The following DSCAM variants were observed in gnomAD, a reference collection of about 807,000 sequenced individuals.
The protein encoded by DSCAM is DS cell adhesion molecule, also known as cell adhesion molecule DSCAM.
Under a neutral mutation model 217.7 loss-of-function variants are expected in DSCAM, and 47 were observed. That is an observed-to-expected ratio of 0.22 (90% confidence interval 0.17 to 0.28). The LOEUF is 0.28. DSCAM is among the 10% of genes least tolerant of loss of function. The pLI, the probability that DSCAM is intolerant of heterozygous loss-of-function variation, is 1.00. For synonymous variants in DSCAM, 1,056 were observed against 1,015.3 expected (o/e 1.04, Z -0.76); for missense variants, 2,080 against 2,618.3 (o/e 0.79, Z 4.49).
chr21:40,394,991 G>A (rs1242316426), intron 3 of DSCAM, among the ~76,000 whole-genome samples: 1 of 152,134 alleles, frequency 6.6e-6, no homozygotes, highest in Non-Finnish European at 1.5e-5. Flanking sequence ...GGTAGAATTA[G>A]GTAATTTTTA....
intron 9 of DSCAM, among the ~76,000 whole-genome samples, chr21:40,299,206 T>C (rs2073987728): frequency 6.6e-6 from 1 of 152,216 alleles, no homozygotes; most frequent in Non-Finnish European, 1.5e-5. Context: ...TTGGCTGATA[T>C]ACCATGCAAC....
intron 11 of DSCAM, among the ~76,000 whole-genome samples, chr21:40,240,934 T>C (rs1601474118): frequency 6.6e-6 from 1 of 152,294 alleles, no homozygotes. Context: ...TGGCTAACCG[T>C]ACGCAGAAGA....
intron 32 of DSCAM, among the ~76,000 whole-genome samples, chr21:40,013,682 T>C (rs1568887185): frequency 6.6e-6 from 1 of 152,102 alleles, no homozygotes; most frequent in Non-Finnish European, 1.5e-5. Context: ...ACACCATCGT[T>C]GAAAGAAAAA....
intron 9 of DSCAM, among the ~76,000 whole-genome samples, chr21:40,311,769 A>G (rs2074140047): frequency 6.6e-6 from 1 of 152,112 alleles, no homozygotes; most frequent in Admixed American, 6.5e-5. Context: ...AAGCTCACGG[A>G]CGTTAGTCCT....
At chr21:40,727,309 G>A (rs537404499) in intron 1 of DSCAM, among the ~76,000 whole-genome samples, 14 of 152,108 alleles carry the variant, frequency 9.2e-5, no homozygotes, top group Admixed American at 2.6e-4. Flanking sequence ...CCTGTTCTGG[G>A]ATCCAGTATT....
At chr21:40,073,391 A>G (rs1318250078) in intron 27 of DSCAM, among the ~76,000 whole-genome samples, 4 of 152,234 alleles carry the variant, frequency 2.6e-5, no homozygotes, top group Admixed American at 1.3e-4. Flanking sequence ...GCAAGTAGTT[A>G]GACATAGTTG....
intron 32 of DSCAM, among the ~76,000 whole-genome samples, chr21:40,036,379 T>C (rs1448203989): frequency 6.8e-6 from 1 of 148,036 alleles, no homozygotes; most frequent in Non-Finnish European, 1.5e-5. Flanking sequence ...CAGAGAATAC[T>C]ACAAACACCT....
chr21:40,402,969 AC>A (rs58917326), intron 3 of DSCAM, among the ~76,000 whole-genome samples: 2 of 149,720 alleles, frequency 1.3e-5, no homozygotes, highest in African/African-American at 2.4e-5. Context: ...GCAAGATTAT[AC>A]CCCCCCACCC....
chr21:40,701,911 T>G (rs559930727), intron 2 of DSCAM, among the ~76,000 whole-genome samples: 1 of 152,178 alleles, frequency 6.6e-6, no homozygotes, highest in Non-Finnish European at 1.5e-5. Context: ...TGTTGTTGGA[T>G]AGAATGTTCT....
chr21:40,392,140 T>C (rs1051213367), intron 3 of DSCAM, among the ~76,000 whole-genome samples: 7 of 152,198 alleles, frequency 4.6e-5, no homozygotes, highest in Admixed American at 3.9e-4. Context: ...TTAAATCTCA[T>C]ATTCAAATAT....
At chr21:40,807,141 C>CAATA (rs1192773714) in intron 1 of DSCAM, among the ~76,000 whole-genome samples, 1 of 136,110 alleles carries the variant, frequency 7.3e-6, no homozygotes, top group African/African-American at 2.8e-5. Flanking sequence ...ATCAATCAAT[C>CAATA]AATAAGTGTT....
At chr21:40,772,545 G>A (rs369557554) in intron 1 of DSCAM, among the ~76,000 whole-genome samples, 10 of 152,246 alleles carry the variant, frequency 6.6e-5, no homozygotes, top group South Asian at 4.1e-4. Flanking sequence ...CTCCTGCTGC[G>A]GGTGGCTCTG....
chr21:40,377,973 C>T (rs1481374552), intron 3 of DSCAM, among the ~76,000 whole-genome samples: 2 of 152,126 alleles, frequency 1.3e-5, no homozygotes, highest in Non-Finnish European at 2.9e-5. Context: ...CAGAGAAAAG[C>T]ACTTTAGAGT....
intron 3 of DSCAM, among the ~76,000 whole-genome samples, chr21:40,545,300 T>C (rs1192726509): frequency 6.6e-6 from 1 of 152,210 alleles, no homozygotes; most frequent in Admixed American, 6.5e-5. Context: ...GATGGTATTC[T>C]GTGACAGCAG....
At chr21:40,731,371 T>G (rs2837797) in intron 1 of DSCAM, among the ~76,000 whole-genome samples, 73,828 of 152,054 alleles carry the variant, frequency 0.49, 21,207 homozygotes, top group African/African-American at 0.81. Context: ...CACAAGGCAG[T>G]TGCAATCATG....
At chr21:40,112,132 C>T (rs892263071) in intron 20 of DSCAM, among the ~76,000 whole-genome samples, 6 of 148,096 alleles carry the variant, frequency 4.1e-5, no homozygotes, top group African/African-American at 1.5e-4. Flanking sequence ...AGCACCACAC[C>T]ACACGTATTC....
At chr21:40,454,441 T>G (rs958638811) in intron 3 of DSCAM, among the ~76,000 whole-genome samples, 9 of 152,166 alleles carry the variant, frequency 5.9e-5, no homozygotes, top group African/African-American at 2.2e-4. Context: ...CAATTTTCAA[T>G]TACCCAATTT....
intron 3 of DSCAM, among the ~76,000 whole-genome samples, chr21:40,648,260 C>CACAT (rs2089972537): frequency 3.3e-5 from 5 of 150,152 alleles, no homozygotes; most frequent in Admixed American, 3.3e-4. Context: ...TACACACACA[C>CACAT]ACACACACAC....
chr21:40,269,155 C>CA (rs2073580593), intron 11 of DSCAM, among the ~76,000 whole-genome samples: 1 of 152,170 alleles, frequency 6.6e-6, no homozygotes. Context: ...GCTGCAAATG[C>CA]AAAAACCCTG....
Sources: allele counts gnomAD v4.1 joint callset (sites outside exome capture counted in the v4.1 genomes callset), GRCh38; gene constraint gnomAD v4.1.1; transcripts MANE v1.5; gene names NCBI Gene and HGNC (gene_info 2026-07-23, HGNC 2026-07-21).